Variants in KLF12 observed in about 807,000 individuals in gnomAD.
KLF12 encodes the protein KLF transcription factor 12.
Under a neutral mutation model 37.8 loss-of-function variants are expected in KLF12, and 9 were observed. The ratio of observed to expected loss-of-function variants is 0.24; its 90% CI spans 0.14 to 0.42. The LOEUF is 0.42. Ranked by LOEUF, KLF12 falls within the 10% of genes least tolerant of loss-of-function variation. The pLI, the probability that KLF12 is intolerant of heterozygous loss-of-function variation, is 1.00. For synonymous variants in KLF12, 208 were observed against 202.1 expected (o/e 1.03, Z -0.25); for missense variants, 411 against 516.0 (o/e 0.80, Z 1.97).
chr13:74,260,628 TA>T, the KLF12 span, among the ~76,000 whole-genome samples: 169 of 140,064 alleles, frequency 1.2e-3, 3 homozygotes, highest in African/African-American at 4.4e-3. Context: ...TAAAATAAAA[TA>T]GTGAATTAAT....
the KLF12 span, among the ~76,000 whole-genome samples, chr13:74,218,013 G>T: frequency 2.0e-5 from 3 of 152,254 alleles, no homozygotes; most frequent in East Asian, 5.8e-4. Context: ...ATTCAGATTG[G>T]AATGAAGCTG....
Position 73,738,108 on chromosome 13 carries a change from TATATATATATATATATACAC to T in KLF12, c.870-22603_870-22584del, listed in dbSNP as rs1440751191. ...GTATGTGTACATATATATATATATA[TATATATATATATATATACAC>T]ACACACACATATATATACACACACA... On this transcript the variant is annotated intron_variant, in intron 6 of 7. Transcript: ENST00000377669. Among the ~76,000 whole-genome samples the T allele has an allele frequency of 2.0e-3, 119 of 58,668 alleles. 1 individual carries two copies. Among genetic ancestry groups the T allele is most frequent in the African/African-American group, 0.012 (106 of 8,584 alleles). The allele number at this position is 58,668 out of a possible 152,430, so 38.5% of individuals were successfully genotyped here.
chr13:73,765,037 G>A (rs1016916829), intron 5 of KLF12, 37 bp from the exon 6 acceptor site: 1 of 1,265,970 alleles, frequency 7.9e-7, no homozygotes, highest in Non-Finnish European at 1.1e-6. Context: ...CATTGAAAAA[G>A]CATATTCCCA....
At chr13:73,776,558 C>T (rs950502367) in intron 5 of KLF12, among the ~76,000 whole-genome samples, 1 of 152,186 alleles carries the variant, frequency 6.6e-6, no homozygotes, top group African/African-American at 2.4e-5. Flanking sequence ...TTTCAAAATG[C>T]ACCGGGACTC....
intron 5 of KLF12, among the ~76,000 whole-genome samples, chr13:73,778,410 GAGCGCACGTGGTGC>G (rs1257815673): frequency 6.6e-6 from 1 of 152,128 alleles, no homozygotes; most frequent in African/African-American, 2.4e-5. Flanking sequence ...ATAGAGGCTG[GAGCGCACGTGGTGC>G]AATCACGGCT....
At chr13:74,251,868 T>C in the KLF12 span, among the ~76,000 whole-genome samples, 1 of 152,204 alleles carries the variant, frequency 6.6e-6, no homozygotes, top group African/African-American at 2.4e-5. Context: ...GCTGCATGAC[T>C]TAAGACAGCA....
chr13:74,142,839 T>G, the KLF12 span, among the ~76,000 whole-genome samples: 2 of 152,240 alleles, frequency 1.3e-5, no homozygotes, highest in Non-Finnish European at 2.9e-5. Flanking sequence ...TTAATTTAAT[T>G]TGTAAAGATG....
At chr13:74,065,228 A>G (rs375351294) in intron 1 of KLF12, among the ~76,000 whole-genome samples, 26 of 100,900 alleles carry the variant, frequency 2.6e-4, no homozygotes, top group Admixed American at 9.6e-4. Flanking sequence ...ACACACATGT[A>G]TATATATATA....
intron 5 of KLF12, among the ~76,000 whole-genome samples, chr13:73,790,107 A>G (rs1329422974): frequency 1.3e-5 from 2 of 152,214 alleles, no homozygotes; most frequent in African/African-American, 4.8e-5. Context: ...TGAGTACACA[A>G]TATTTTATTC....
At chr13:74,088,488 A>G (rs1297529240) in intron 1 of KLF12, among the ~76,000 whole-genome samples, 1 of 152,124 alleles carries the variant, frequency 6.6e-6, no homozygotes, top group Non-Finnish European at 1.5e-5. Context: ...ACAGCTTCCC[A>G]AAGTGCTGGG....
chr13:74,204,271 T>G, the KLF12 span, among the ~76,000 whole-genome samples: 1,788 of 152,280 alleles, frequency 0.012, 41 homozygotes, highest in African/African-American at 0.041. Context: ...GGGAAGGTTT[T>G]GAAATGTTTG....
At chr13:74,256,555 T>G in the KLF12 span, among the ~76,000 whole-genome samples, 1 of 152,174 alleles carries the variant, frequency 6.6e-6, no homozygotes, top group Admixed American at 6.5e-5. Flanking sequence ...GGTGGGATAA[T>G]GAGCCCTTCA....
chr13:73,806,031 T>C (rs913428565), intron 5 of KLF12, among the ~76,000 whole-genome samples: 1 of 151,988 alleles, frequency 6.6e-6, no homozygotes, highest in African/African-American at 2.4e-5. Context: ...CAACTACTGA[T>C]CTCAAGTGAT....
In KLF12 at chr13:74,005,602, C is replaced by G. The variant is rs183118347; in HGVS notation, c.-31-10549G>C. On this transcript the variant is annotated intron_variant, in intron 1 of 7. Coordinates refer to ENST00000377669, the MANE Select transcript of KLF12 (RefSeq NM_007249.5). The stretch of plus-strand genomic sequence containing the variant: ...TAACTGCATTTCAGTTCAGGAAAAA[C>G]AAGTAGATGACAACTTACTAGAAAT... Among the ~76,000 whole-genome samples, 11 of 152,128 alleles carry G rather than the reference C, an allele frequency of 7.2e-5. No homozygotes were observed. In the East Asian group the frequency reaches 2.1e-3, roughly 29 times the overall value.
intron 2 of KLF12, among the ~76,000 whole-genome samples, chr13:73,963,840 A>T (rs1891097199): frequency 6.6e-6 from 1 of 152,252 alleles, no homozygotes; most frequent in African/African-American, 2.4e-5. Flanking sequence ...AATTTTAAAT[A>T]AGAAATCATG....
chr13:73,721,438 T>A (rs1352199744), intron 6 of KLF12, among the ~76,000 whole-genome samples: 1 of 152,254 alleles, frequency 6.6e-6, no homozygotes, highest in Non-Finnish European at 1.5e-5. Flanking sequence ...CGATAAGACA[T>A]ATACTTTTCT....
chr13:74,220,778 G>C, the KLF12 span, among the ~76,000 whole-genome samples: 1 of 152,096 alleles, frequency 6.6e-6, no homozygotes, highest in Non-Finnish European at 1.5e-5. Flanking sequence ...TTGTGTTTCT[G>C]TGCCTGGCTT....
chr13:74,043,984 C>T (rs1450970495), intron 1 of KLF12, among the ~76,000 whole-genome samples: 1 of 152,028 alleles, frequency 6.6e-6, no homozygotes, highest in African/African-American at 2.4e-5. Flanking sequence ...TGCCTGCTGG[C>T]AAAGCTGCAA....
intron 6 of KLF12, among the ~76,000 whole-genome samples, chr13:73,729,837 C>T (rs575399732): frequency 1.2e-4 from 18 of 152,170 alleles, no homozygotes; most frequent in Admixed American, 7.9e-4. Flanking sequence ...CAAGTGAACA[C>T]GCAAAGGCAT....
Sources: allele counts gnomAD v4.1 joint callset (sites outside exome capture counted in the v4.1 genomes callset), GRCh38; gene constraint gnomAD v4.1.1; transcripts MANE v1.5; gene names NCBI Gene and HGNC (gene_info 2026-07-23, HGNC 2026-07-21).